The following UGT1A8 variants were observed in gnomAD, a reference collection of about 807,000 sequenced individuals.
UGT1A8 encodes UDP-glucuronosyltransferase 1A8.
A neutral mutation model predicts 45.3 loss-of-function variants in UGT1A8; 39 were observed. The observed-to-expected ratio is 0.86, with a 90% CI of 0.67 to 1.12. UGT1A8 has a LOEUF of 1.12. Ranked by LOEUF, UGT1A8 falls within the 50% of genes most tolerant of loss-of-function variation. The pLI, the probability that UGT1A8 is intolerant of heterozygous loss-of-function variation, is 0.00. For missense variants in UGT1A8, 719 were observed against 664.9 expected, an observed-to-expected ratio of 1.08 and a Z score of -0.90; for synonymous variants, 275 against 249.2, an observed-to-expected ratio of 1.10 and a Z score of -0.97.
intron 1 of UGT1A8, chr2:233,719,110 C>T (rs2076727288): frequency 1.9e-6 from 3 of 1,614,270 alleles, no homozygotes; most frequent in Non-Finnish European, 2.5e-6. Context: ...CTGGGCTACA[C>T]TCAAGGGTTC....
At chr2:233,621,533 A>C (rs2073007205) in intron 1 of UGT1A8, among the ~76,000 whole-genome samples, 1 of 152,162 alleles carries the variant, frequency 6.6e-6, no homozygotes, top group Non-Finnish European at 1.5e-5. Context: ...GGTGGACAAG[A>C]CTAAGGCCTC....
chr2:233,661,488 T>A (rs1325304911), intron 1 of UGT1A8, among the ~76,000 whole-genome samples: 2 of 152,182 alleles, frequency 1.3e-5, no homozygotes, highest in Non-Finnish European at 2.9e-5. Flanking sequence ...ACTCTTTGAA[T>A]ATCCTTCTTT....
chr2:233,757,549 T>TATATATATATATATATATATATAC (rs1696618435), intron 1 of UGT1A8, among the ~76,000 whole-genome samples: 1 of 133,970 alleles, frequency 7.5e-6, no homozygotes, highest in East Asian at 2.0e-4. Flanking sequence ...TATATATATA[T>TATATATATATATATATATATATAC]ATATATATAT....
At chr2:233,765,421 C>T (rs1411731251) in intron 1 of UGT1A8, among the ~76,000 whole-genome samples, 1 of 152,188 alleles carries the variant, frequency 6.6e-6, no homozygotes, top group Non-Finnish European at 1.5e-5. Context: ...GAATACTATG[C>T]AGCCATAACA....
intron 1 of UGT1A8, chr2:233,713,784 T>A: frequency 6.2e-7 from 1 of 1,614,078 alleles, no homozygotes; most frequent in Non-Finnish European, 8.5e-7. Context: ...TGTGATGGAT[T>A]ACCCCAGGCC....
chr2:233,687,720 T>C (rs1399699697), intron 1 of UGT1A8, among the ~76,000 whole-genome samples: 1 of 150,430 alleles, frequency 6.6e-6, no homozygotes, highest in Non-Finnish European at 1.5e-5. Flanking sequence ...CTGGACAACA[T>C]AGGGAGACAC....
chr2:233,757,466 T>A (rs1362251733), intron 1 of UGT1A8, among the ~76,000 whole-genome samples: 1 of 149,346 alleles, frequency 6.7e-6, no homozygotes, highest in Non-Finnish European at 1.5e-5. Context: ...GAGCGCTTAC[T>A]GTCTCCAAAA....
chr2:233,618,677 C>T lies in UGT1A8; in HGVS notation c.855+115C>T. 2.0e-6 allele frequency: 3 copies of T among 1,505,410 alleles called. No individual in the cohort carries two copies. In the East Asian group the frequency reaches 6.8e-5, roughly 34 times the overall value. The allele number at this position is 1,505,410 out of a possible 1,614,324, so 93.3% of individuals were successfully genotyped here. On this transcript the variant is annotated intron_variant, in intron 1 of 4. Coordinates refer to ENST00000373450, the MANE Select transcript of UGT1A8 (RefSeq NM_019076.5). ...ATTTGTTGCATTTCAAATTTCTTTC[C>T]AGTTTAACAGATTATTTTGTGCCAA...
At chr2:233,646,015 A>G (rs2073592961) in intron 1 of UGT1A8, among the ~76,000 whole-genome samples, 1 of 152,190 alleles carries the variant, frequency 6.6e-6, no homozygotes, top group South Asian at 2.1e-4. Flanking sequence ...AGGCATATCC[A>G]TACAGCCTCT....
intron 4 of UGT1A8, among the ~76,000 whole-genome samples, 194 bp from the exon 5 acceptor site, chr2:233,772,068 G>T (rs906285664): frequency 3.9e-5 from 6 of 152,160 alleles, no homozygotes; most frequent in Non-Finnish European, 8.8e-5. Flanking sequence ...AGCCATGCTT[G>T]TGCCACTACA....
In UGT1A8 at chr2:233,767,104, C is replaced by T. The variant is rs1699318263; in HGVS notation, c.926C>T (p.Ser309Leu). The part of the protein sequence containing the change: ...IVVFSLGSMV[S>L]EIPEKKAMAI... ...GTTTTCTCTTTGGGATCAATGGTCT[C>T]AGAAATTCCAGAGAAGAAAGCTATG... The change falls in exon 2 of 5, where the codon TCA becomes TTA. Residue 309 changes from serine to leucine, a missense_variant. Ser to Leu is a moderately radical substitution (Grantham distance 145). Coordinates refer to ENST00000373450, the MANE Select transcript of UGT1A8 (RefSeq NM_019076.5). 6.2e-7 allele frequency: 1 copy of T among 1,614,114 alleles called. No individual in the cohort carries two copies. The highest frequency in any genetic ancestry group is 8.5e-7 in the Non-Finnish European group (1 of 1,180,014).
Position 233,631,596 on chromosome 2 carries a change from C to T in UGT1A8, c.855+13034C>T, listed in dbSNP as rs565386130. On this transcript the variant is annotated intron_variant, in intron 1 of 4. Transcript: ENST00000373450. The stretch of plus-strand genomic sequence containing the variant: ...CATTTCTCTAATGACCAGTGATGAT[C>T]GGCTTTTTTTGATATGCTTGTTGGT... Among the ~76,000 whole-genome samples, 107 of 152,136 alleles carry T rather than the reference C, an allele frequency of 7.0e-4. 2 individuals carry two copies. Among genetic ancestry groups the T allele is most frequent in the Admixed American group, 1.1e-3 (17 of 15,284 alleles).
intron 1 of UGT1A8, among the ~76,000 whole-genome samples, chr2:233,724,345 CCCCACCT>C (rs1279096074): frequency 6.8e-6 from 1 of 147,952 alleles, no homozygotes; most frequent in African/African-American, 2.5e-5. Context: ...GGCTGACCCC[CCCCACCT>C]CCCTCCCGGA....
At chr2:233,693,942 C>A (rs2075190046) in intron 1 of UGT1A8, 10 of 1,601,216 alleles carry the variant, frequency 6.2e-6, no homozygotes, top group Non-Finnish European at 8.5e-6. Context: ...GCTCCTTGAG[C>A]CGACTGTCCC....
intron 1 of UGT1A8, among the ~76,000 whole-genome samples, chr2:233,622,428 T>C (rs2073025462): frequency 6.6e-6 from 1 of 152,222 alleles, no homozygotes; most frequent in African/African-American, 2.4e-5. Flanking sequence ...CCATTCTAAT[T>C]GGCATGAGAT....
At chr2:233,620,152 G>A (rs10221563) in intron 1 of UGT1A8, among the ~76,000 whole-genome samples, 1,927 of 152,262 alleles carry the variant, frequency 0.013, 30 homozygotes, top group Non-Finnish European at 0.02. Flanking sequence ...AAGAGTGACC[G>A]TTCAGCCATC....
At chr2:233,693,360 T>C (rs1395029854) in intron 1 of UGT1A8, 19 of 1,614,090 alleles carry the variant, frequency 1.2e-5, no homozygotes, top group Non-Finnish European at 1.6e-5. Context: ...ATGATTGTTA[T>C]TGGCCTGTAC....
intron 1 of UGT1A8, among the ~76,000 whole-genome samples, chr2:233,677,292 G>T (rs994311025): frequency 6.6e-6 from 1 of 152,020 alleles, no homozygotes; most frequent in Non-Finnish European, 1.5e-5. Context: ...TATTTAAGTG[G>T]TATTTTTAAT....
At chr2:233,760,846 C>G (rs760019185) in intron 1 of UGT1A8, 2 of 1,613,970 alleles carry the variant, frequency 1.2e-6, no homozygotes, top group South Asian at 2.2e-5. Context: ...TACCCAGTGC[C>G]CCAACCCATT....
Sources: gnomAD v4.1 joint callset for allele counts (sites outside exome capture counted in the v4.1 genomes callset) on GRCh38, gnomAD v4.1.1 for gene constraint, MANE v1.5 for transcripts, NCBI Gene and HGNC (gene_info 2026-07-23, HGNC 2026-07-21) for gene names.